TTC19: variants seen among roughly 807,000 people sequenced by gnomAD.
TTC19 encodes the protein tetratricopeptide repeat domain 19.
In TTC19, 38 loss-of-function variants were observed where a neutral mutation model predicts 49.5. The ratio of observed to expected loss-of-function variants is 0.77; its 90% CI spans 0.59 to 1.01. The LOEUF (loss-of-function observed/expected upper bound fraction) is 1.01, where lower values mean the gene tolerates loss of function less well. Ranked by LOEUF, TTC19 falls within the 50% of genes least tolerant of loss-of-function variation. The probability of loss-of-function intolerance (pLI) is 0.00; values close to 1 mark genes in which losing one functional copy is unlikely to be tolerated. For synonymous variants in TTC19, 204 were observed against 185.2 expected (o/e 1.10, Z -0.83); for missense variants, 475 against 477.7 (o/e 0.99, Z 0.05).
At chr17:16,034,366 G>C (rs1281517171), downstream of TTC19, among the ~76,000 whole-genome samples, 1 of 152,164 alleles carries the variant, frequency 6.6e-6, no homozygotes, top group Non-Finnish European at 1.5e-5. Flanking sequence ...GCCAAGGCAG[G>C]AGGAATGAGT....
chr17:16,040,903 A>C (rs1370973025), intron 2 of TTC19: 2 of 182,960 alleles, frequency 1.1e-5, no homozygotes, highest in Non-Finnish European at 2.3e-5. Flanking sequence ...AAAAAGAAGC[A>C]GTGTAACCCA....
chr17:16,015,420 A>G (rs2151665177), intron 7 of TTC19, among the ~76,000 whole-genome samples: 1 of 152,300 alleles, frequency 6.6e-6, no homozygotes, highest in African/African-American at 2.4e-5. Context: ...TTAAGGAATT[A>G]TATTTTTAAA....
intron 5 of TTC19, 78 bp downstream of exon 5, chr17:16,003,965 C>T (rs1396014940): frequency 1.4e-6 from 2 of 1,464,696 alleles, no homozygotes; most frequent in African/African-American, 1.4e-5. Context: ...CTCCTCCTAG[C>T]CCCACCACAT....
At chr17:16,031,368 A>T (rs1421774145), downstream of TTC19, 1 of 189,766 alleles carries the variant, frequency 5.3e-6, no homozygotes, top group East Asian at 8.4e-5. Context: ...AACCTGAGAC[A>T]CCAGGAGCCT....
intron 7 of TTC19, among the ~76,000 whole-genome samples, chr17:16,017,826 A>G (rs939371389): frequency 3.8e-4 from 56 of 147,558 alleles, no homozygotes; most frequent in Non-Finnish European, 7.3e-4. Flanking sequence ...CATTTTAAAA[A>G]GTGCTTTCCA....
At chr17:16,005,582 C>T (rs1461476593) in intron 6 of TTC19, among the ~76,000 whole-genome samples, 1 of 152,172 alleles carries the variant, frequency 6.6e-6, no homozygotes, top group Non-Finnish European at 1.5e-5. Context: ...TAAAAAGCAG[C>T]AGTCAGTCGG....
Position 16,000,236 on chromosome 17 carries a change from G to T in TTC19, c.303G>T (p.Lys101Asn). The change falls in exon 2 of 10, where the codon AAG becomes AAT. Residue 101 changes from lysine to asparagine, a missense_variant. Transcript: ENST00000261647. ...EAEAEIIQLL[K>N]RAKLSIMKDE... ...AGGCAGAGATCATCCAGCTGCTGAA[G>T]CGAGCCAAGGTGAGGCGGCTCCGGG... 1 of 1,595,300 alleles carries T rather than the reference G, an allele frequency of 6.3e-7. No homozygotes were observed. The highest frequency in any genetic ancestry group is 8.5e-7 in the Non-Finnish European group (1 of 1,179,168).
Position 16,027,579 on chromosome 17 carries a change from C to G in TTC19, c.*57C>G, listed in dbSNP as rs769843511. 3.8e-6 allele frequency: 6 copies of G among 1,592,664 alleles called. No individual in the cohort carries two copies. Among genetic ancestry groups the G allele is most frequent in the Non-Finnish European group, 5.2e-6 (6 of 1,162,596 alleles). ...GTAATGTGGAAGAATAGCTATCATT[C>G]CTGTCTCTGTGGCACCCGATCAATG... On this transcript the variant is annotated 3_prime_UTR_variant, in exon 10 of 10. Transcript: ENST00000261647.
intron 7 of TTC19, among the ~76,000 whole-genome samples, chr17:16,009,822 T>C (rs1182891838): frequency 6.6e-6 from 1 of 152,156 alleles, no homozygotes; most frequent in Non-Finnish European, 1.5e-5. Context: ...ATATATGTAC[T>C]TACTGAGGAA....
intron 7 of TTC19, among the ~76,000 whole-genome samples, chr17:16,006,911 G>A (rs1270674043): frequency 6.6e-6 from 1 of 151,992 alleles, no homozygotes; most frequent in South Asian, 2.1e-4. Flanking sequence ...TGCTTATTAC[G>A]TTTTAGCCCT....
intron 2 of TTC19, among the ~76,000 whole-genome samples, chr17:16,044,094 G>A (rs370863706): frequency 4.2e-4 from 63 of 151,472 alleles, no homozygotes; most frequent in East Asian, 3.1e-3. Context: ...ACTTGAACCC[G>A]GGAGGCGGAG....
chr17:16,002,936 A>T, intron 4 of TTC19, 105 bp downstream of exon 4: 1 of 1,053,132 alleles, frequency 9.5e-7, no homozygotes, highest in Non-Finnish European at 1.5e-6. Context: ...GAGACCCTAG[A>T]ATATAGTGAC....
chr17:16,016,025 A>G (rs1971203546), intron 7 of TTC19, among the ~76,000 whole-genome samples: 1 of 151,320 alleles, frequency 6.6e-6, no homozygotes, highest in Non-Finnish European at 1.5e-5. Flanking sequence ...TTTCCATTTC[A>G]CTTATTTCTA....
chr17:16,025,269 G>A, intron 8 of TTC19, 98 bp downstream of exon 8: 2 of 1,272,842 alleles, frequency 1.6e-6, no homozygotes, highest in South Asian at 1.3e-5. Context: ...TCAGCAGATG[G>A]TCCTAGATCC....
chr17:16,044,248 T>C (rs2058277461), intron 2 of TTC19, among the ~76,000 whole-genome samples: 1 of 152,030 alleles, frequency 6.6e-6, no homozygotes, highest in African/African-American at 2.4e-5. Flanking sequence ...TCTAAAATAT[T>C]TGTCTTTTAT....
At chr17:16,036,776 ATGT>A (rs1173024888) in intron 2 of TTC19, among the ~76,000 whole-genome samples, 23 of 152,204 alleles carry the variant, frequency 1.5e-4, no homozygotes, top group Admixed American at 1.5e-3. Context: ...GCTTAAGGGA[ATGT>A]TGTGGCTGGT....
At position 16,028,818 on chromosome 17, in the gene TTC19, CAAAAAA is replaced by C. The variant is rs59177775; in HGVS notation, c.*1319_*1324del. Reference sequence around the variant, plus strand: ...GTATCCCAGTAATCTTTGCATTTCTCAAAAAAAAAAAAAAAAAAAAAAAAAAAACTT... The same window carrying C: ...GTATCCCAGTAATCTTTGCATTTCTCAAAAAAAAAAAAAAAAAAAAAACTT... On this transcript the variant is annotated 3_prime_UTR_variant, in exon 10 of 10. Coordinates refer to ENST00000261647, the MANE Select transcript of TTC19 (RefSeq NM_017775.4). The C allele has an allele frequency of 7.8e-3, 776 of 98,872 alleles. 4 individuals carry two copies. The highest frequency in any genetic ancestry group is 0.049 in the African/African-American group (610 of 12,428). 6.1% of individuals were successfully genotyped at this position (98,872 alleles called of 1,614,324 possible).
intron 8 of TTC19, among the ~76,000 whole-genome samples, chr17:16,026,002 G>A (rs1971542682): frequency 6.6e-6 from 1 of 152,144 alleles, no homozygotes; most frequent in Admixed American, 6.5e-5. Flanking sequence ...CATGGCATCA[G>A]TGGGGAAGTA....
At chr17:16,044,998 AG>A (rs368470164) in exon 3 of TTC19, 14 of 469,496 alleles carry the variant, frequency 3.0e-5, no homozygotes, top group South Asian at 6.7e-5. Flanking sequence ...GCTGAACTTA[AG>A]AAAAAAAAAA....
Sources: allele counts gnomAD v4.1 joint callset (sites outside exome capture counted in the v4.1 genomes callset), GRCh38; gene constraint gnomAD v4.1.1; transcripts MANE v1.5; gene names NCBI Gene and HGNC (gene_info 2026-07-23, HGNC 2026-07-21).